DAGLB: variants seen among roughly 807,000 people sequenced by gnomAD.
DAGLB encodes the protein diacylglycerol lipase-beta.
In DAGLB, 66 loss-of-function variants were observed where a neutral mutation model predicts 72.1. The observed-to-expected ratio is 0.92, with a 90% CI of 0.75 to 1.12. The LOEUF (loss-of-function observed/expected upper bound fraction) is 1.12. DAGLB is among the 50% of genes most tolerant of loss of function. The pLI, the probability that DAGLB is intolerant of heterozygous loss-of-function variation, is 0.00. For synonymous variants in DAGLB, 414 were observed against 359.5 expected, an observed-to-expected ratio of 1.15 and a Z score of -1.71; for missense variants, 1,065 against 884.9, an observed-to-expected ratio of 1.20 and a Z score of -2.58.
chr7:6,427,660 G>GT (rs1224637190), intron 6 of DAGLB, among the ~76,000 whole-genome samples: 1 of 152,144 alleles, frequency 6.6e-6, no homozygotes, highest in Non-Finnish European at 1.5e-5. Flanking sequence ...GCTTACACCT[G>GT]TAATCCCAGG....
At chr7:6,420,629 G>C (rs564764114) in intron 9 of DAGLB, among the ~76,000 whole-genome samples, 1 of 152,224 alleles carries the variant, frequency 6.6e-6, no homozygotes, top group African/African-American at 2.4e-5. Context: ...TGTGGGACTG[G>C]ACACGGGTTC....
At chr7:6,424,974 G>A (rs976139216) in intron 7 of DAGLB, 139 bp from the exon 8 acceptor site, 8 of 763,166 alleles carry the variant, frequency 1.0e-5, no homozygotes, top group African/African-American at 8.5e-5. Flanking sequence ...CTCCACTCAC[G>A]CTCACTACAC....
chr7:6,445,639 G>A (rs2115302674), intron 2 of DAGLB: 1 of 179,850 alleles, frequency 5.6e-6, no homozygotes, highest in African/African-American at 2.3e-5. Flanking sequence ...ATTTTTAGTA[G>A]AGACGTAGAG....
intron 6 of DAGLB, among the ~76,000 whole-genome samples, chr7:6,428,291 A>T (rs865925569): frequency 5.2e-5 from 7 of 135,776 alleles, no homozygotes; most frequent in Middle Eastern, 3.7e-3. Context: ...GGTTGCAGTG[A>T]GCCAGGATCC....
At chr7:6,422,275 T>C (rs1469895532) in intron 8 of DAGLB, 1 of 294,310 alleles carries the variant, frequency 3.4e-6, no homozygotes, top group Non-Finnish European at 6.9e-6. Context: ...CTGGAGGAGG[T>C]GACGCCACAG....
chr7:6,447,753 C>T lies in DAGLB; in HGVS notation c.90G>A (p.Val30=). The T allele has an allele frequency of 6.2e-7, 1 of 1,613,258 alleles. No homozygotes were observed. The highest frequency in any genetic ancestry group is 8.5e-7 in the Non-Finnish European group (1 of 1,179,678). The change falls in exon 1 of 15, where the codon GTG becomes GTA. Residue 30 remains valine (V), a synonymous_variant. Coordinates refer to ENST00000297056, the MANE Select transcript of DAGLB (RefSeq NM_139179.4). ...CCCGTAGCCGCCGTCCTTACCACAG[C>T]ACTCGCACGACCAGCTCGAAGAACC... ...FPGFFELVVR[V]LWWIGILTLY... is the part of the protein sequence containing the mutation.
intron 2 of DAGLB, 32 bp downstream of exon 2, chr7:6,445,921 A>G (rs962102969): frequency 6.4e-7 from 1 of 1,556,834 alleles, no homozygotes; most frequent in Admixed American, 2.1e-5. Context: ...CTATAAAAAA[A>G]TAGGTATCAA....
chr7:6,440,366 C>T (rs575162476), intron 2 of DAGLB, among the ~76,000 whole-genome samples: 14 of 146,702 alleles, frequency 9.5e-5, no homozygotes, highest in Non-Finnish European at 1.6e-4. Flanking sequence ...CCTGGGGACT[C>T]AAAAGCGAAA....
At chr7:6,418,349 G>T (rs1162605376) in intron 9 of DAGLB, among the ~76,000 whole-genome samples, 1 of 151,730 alleles carries the variant, frequency 6.6e-6, no homozygotes, top group African/African-American at 2.4e-5. Flanking sequence ...AGCCTGGGTG[G>T]CACAGTGAGA....
chr7:6,414,632 GT>G (rs1056271653), intron 11 of DAGLB, among the ~76,000 whole-genome samples: 1 of 152,040 alleles, frequency 6.6e-6, no homozygotes, highest in African/African-American at 2.4e-5. Flanking sequence ...ATACACTACA[GT>G]TACATTTTCT....
chr7:6,411,413 G>A (rs988237863), intron 13 of DAGLB, among the ~76,000 whole-genome samples: 4 of 152,172 alleles, frequency 2.6e-5, no homozygotes, highest in East Asian at 3.9e-4. Context: ...CTTCAGCCCC[G>A]AAGTTTGAGA....
At chr7:6,447,049 G>A (rs1400855995) in intron 1 of DAGLB, among the ~76,000 whole-genome samples, 5 of 152,186 alleles carry the variant, frequency 3.3e-5, no homozygotes, top group African/African-American at 1.2e-4. Context: ...ATGTTGCCCA[G>A]GTTGGTCTCA....
intron 2 of DAGLB, among the ~76,000 whole-genome samples, chr7:6,439,579 A>G (rs1424309433): frequency 6.6e-6 from 1 of 152,182 alleles, no homozygotes; most frequent in East Asian, 1.9e-4. Flanking sequence ...TTGGGATACA[A>G]ACACAGAGGA....
chr7:6,428,687 G>A (rs1412834452), intron 6 of DAGLB, among the ~76,000 whole-genome samples: 2 of 152,098 alleles, frequency 1.3e-5, no homozygotes, highest in African/African-American at 2.4e-5. Context: ...GGGTGTCACC[G>A]TGTTGGTCAG....
At chr7:6,412,539 G>T in intron 13 of DAGLB, 1 of 459,856 alleles carries the variant, frequency 2.2e-6, no homozygotes, top group Non-Finnish European at 4.0e-6. Flanking sequence ...TCCTGCCTTG[G>T]CCTCCTGAGG....
chr7:6,440,771 A>G (rs1784804850), intron 2 of DAGLB, among the ~76,000 whole-genome samples: 1 of 152,096 alleles, frequency 6.6e-6, no homozygotes, highest in Admixed American at 6.5e-5. Context: ...TGGGAGGCTG[A>G]GCCAGGAGAA....
At position 6,413,000 on chromosome 7, in the gene DAGLB, C is replaced by A; in HGVS notation, c.1462G>T (p.Val488Leu). The A allele has an allele frequency of 6.2e-7, 1 of 1,613,884 alleles. No individual in the cohort carries two copies. Among genetic ancestry groups the A allele is most frequent in the African/African-American group, 1.3e-5 (1 of 75,032 alleles). ...ALQEYSQSFI[V>L]SLVLGKDVIP... Reference sequence around the variant, plus strand: ...ACATCCTTCCCCAGGACGAGTGACACGATGAAGCTCTGAGAATATTCCTGC... The same window carrying A: ...ACATCCTTCCCCAGGACGAGTGACAAGATGAAGCTCTGAGAATATTCCTGC... Residue 488 changes from valine to leucine, a missense_variant, in exon 12 of 15, where the codon GTG (valine) becomes TTG (leucine). Val to Leu is a conservative substitution (Grantham distance 32). Coordinates refer to ENST00000297056, the MANE Select transcript of DAGLB (RefSeq NM_139179.4).
At chr7:6,423,808 C>T (rs187017134) in intron 8 of DAGLB, among the ~76,000 whole-genome samples, 4 of 151,614 alleles carry the variant, frequency 2.6e-5, no homozygotes, top group African/African-American at 7.3e-5. Flanking sequence ...AGGATGGTGT[C>T]GATCTCTTGA....
intron 6 of DAGLB, among the ~76,000 whole-genome samples, chr7:6,427,163 C>T (rs1784340188): frequency 6.6e-6 from 1 of 152,118 alleles, no homozygotes; most frequent in South Asian, 2.1e-4. Flanking sequence ...AAAAAAACTA[C>T]AAACACATCG....
Sources: allele counts gnomAD v4.1 joint callset (sites outside exome capture counted in the v4.1 genomes callset), GRCh38; gene constraint gnomAD v4.1.1; transcripts MANE v1.5; gene names NCBI Gene and HGNC (gene_info 2026-07-23, HGNC 2026-07-21).